Variants in ABL1 observed in about 807,000 individuals in gnomAD.
The protein encoded by ABL1 is ABL proto-oncogene 1, non-receptor tyrosine kinase.
In ABL1, 11 loss-of-function variants were observed where a neutral mutation model predicts 94.7. That is an observed-to-expected ratio of 0.12 (90% CI 0.07 to 0.19). ABL1 has a LOEUF of 0.19. ABL1 is among the 10% of genes least tolerant of loss of function. The probability of loss-of-function intolerance (pLI) is 1.00; values close to 1 mark genes in which losing one functional copy is unlikely to be tolerated. For missense variants in ABL1, 1,082 were observed against 1,489.4 expected, an observed-to-expected ratio of 0.73 and a Z score of 4.50; for synonymous variants, 656 against 622.4, an observed-to-expected ratio of 1.05 and a Z score of -0.80.
At chr9:130,738,882 TTA>T (rs1262891276) in intron 1 of ABL1, among the ~76,000 whole-genome samples, 1 of 152,122 alleles carries the variant, frequency 6.6e-6, no homozygotes, top group East Asian at 1.9e-4. Flanking sequence ...CTTCTGTGTG[TTA>T]TGTGTCTTTT....
At chr9:130,871,796 T>C (rs1006613669) in intron 4 of ABL1, among the ~76,000 whole-genome samples, 2 of 152,248 alleles carry the variant, frequency 1.3e-5, no homozygotes, top group Admixed American at 6.5e-5. Flanking sequence ...TTTGCCCGTA[T>C]AGCTCTCCCA....
chr9:130,857,258 A>C (rs1335900329), intron 3 of ABL1, among the ~76,000 whole-genome samples: 2 of 152,138 alleles, frequency 1.3e-5, no homozygotes, highest in Non-Finnish European at 2.9e-5. Context: ...TCACCAGGTC[A>C]CCCTCTATAG....
At chr9:130,800,475 A>G (rs554106886) in intron 1 of ABL1, among the ~76,000 whole-genome samples, 3 of 151,838 alleles carry the variant, frequency 2.0e-5, no homozygotes, top group African/African-American at 7.2e-5. Flanking sequence ...AAAAAAAAGA[A>G]CCCAAAACCA....
In ABL1 at chr9:130,854,895, C is replaced by T. The variant is rs2132957976; in HGVS notation, c.348C>T (p.Ile116=). Residue 116 remains isoleucine, a synonymous_variant, in exon 3 of 11, where the codon ATC becomes ATT. Transcript: ENST00000318560. ...NGQGWVPSNY[I]TPVNSLEKHS... is the part of the protein sequence containing the mutation. Reference sequence around the variant, plus strand: ...AAGGCTGGGTCCCAAGCAACTACATCACGCCAGTCAACAGTCTGGAGAAAC... The same window carrying T: ...AAGGCTGGGTCCCAAGCAACTACATTACGCCAGTCAACAGTCTGGAGAAAC... The T allele has an allele frequency of 6.2e-7, 1 of 1,614,224 alleles. No homozygotes were observed. The highest frequency in any genetic ancestry group is 8.5e-7 in the Non-Finnish European group (1 of 1,180,038).
chr9:130,881,449 C>A (rs34498582), intron 10 of ABL1, among the ~76,000 whole-genome samples: 2,295 of 152,252 alleles, frequency 0.015, 39 homozygotes, highest in Middle Eastern at 0.065. Context: ...ACAATCATGG[C>A]TGAAGGTGAA....
intron 1 of ABL1, among the ~76,000 whole-genome samples, chr9:130,722,285 C>T (rs981300899): frequency 2.0e-5 from 3 of 152,006 alleles, no homozygotes; most frequent in African/African-American, 7.2e-5. Flanking sequence ...CCCAGCTACT[C>T]AGGAGGCTGA....
intron 1 of ABL1, among the ~76,000 whole-genome samples, chr9:130,789,167 T>C (rs1374084889): frequency 6.6e-6 from 1 of 152,176 alleles, no homozygotes; most frequent in African/African-American, 2.4e-5. Context: ...CCGTTTCTCA[T>C]AAAGCTAATA....
chr9:130,803,958 G>A (rs1055365749), intron 1 of ABL1, among the ~76,000 whole-genome samples: 2 of 152,066 alleles, frequency 1.3e-5, no homozygotes, highest in African/African-American at 4.8e-5. Context: ...CTACCCAGGA[G>A]ACTGAGGCAG....
At chr9:130,866,666 G>A (rs1387503166) in intron 4 of ABL1, among the ~76,000 whole-genome samples, 1 of 152,152 alleles carries the variant, frequency 6.6e-6, no homozygotes, top group Non-Finnish European at 1.5e-5. Flanking sequence ...AAGAGAACAG[G>A]AAAAAAGCAG....
At chr9:130,724,722 G>C in intron 1 of ABL1, 1 of 412,530 alleles carries the variant, frequency 2.4e-6, no homozygotes. Context: ...ACTCCAGCCT[G>C]GGCGACAGAG....
intron 1 of ABL1, among the ~76,000 whole-genome samples, chr9:130,815,383 G>C (rs887880537): frequency 6.6e-6 from 1 of 152,110 alleles, no homozygotes; most frequent in Non-Finnish European, 1.5e-5. Flanking sequence ...CCCCAGATCT[G>C]ATATAGTCAC....
At chr9:130,883,948 G>C (rs1329239558) in intron 10 of ABL1, 21 bp from the exon 11 acceptor site, 7 of 1,593,874 alleles carry the variant, frequency 4.4e-6, no homozygotes, top group African/African-American at 1.4e-5. Context: ...GGAGTTGTCA[G>C]CTCTTCCCCT....
At chr9:130,773,920 T>A (rs1347059354) in intron 1 of ABL1, among the ~76,000 whole-genome samples, 1 of 152,140 alleles carries the variant, frequency 6.6e-6, no homozygotes, top group Non-Finnish European at 1.5e-5. Flanking sequence ...TCCTCAGAAG[T>A]TTCCTTATGA....
Position 130,846,281 on chromosome 9 carries a change from A to G in ABL1, c.80-7783A>G, listed in dbSNP as rs181281630. On this transcript the variant is annotated intron_variant, in intron 1 of 10. Transcript: ENST00000318560. The stretch of plus-strand genomic sequence containing the variant: ...GAAAAGTTGTTTGAGACTGTTATAA[A>G]ATAACTTGAGAATAGTCTGAGCATG... Among the ~76,000 whole-genome samples, 3 of 152,316 alleles carry G rather than the reference A, an allele frequency of 2.0e-5. No homozygotes were observed. The East Asian group carries it at 5.8e-4, about 29-fold the overall frequency.
chr9:130,722,712 A>G (rs1831532031), intron 1 of ABL1, among the ~76,000 whole-genome samples: 1 of 152,190 alleles, frequency 6.6e-6, no homozygotes, highest in South Asian at 2.1e-4. Flanking sequence ...TACATTTTGT[A>G]TGGCCTTCTT....
rs1254195561 is a variant in ABL1, at chr9:130,884,658, A to G, written c.2368A>G (p.Asn790Asp). 1.2e-6 allele frequency: 2 copies of G among 1,613,172 alleles called. No individual in the cohort carries two copies. The highest frequency in any genetic ancestry group is 1.7e-5 in the Admixed American group (1 of 60,012). ...VTPPPRLVKK[N>D]EEAADEVFKD... Reference sequence around the variant, plus strand: ...GCCTCCCCCCAGGCTGGTGAAAAAGAATGAGGAAGCTGCTGATGAGGTCTT... The same window carrying G: ...GCCTCCCCCCAGGCTGGTGAAAAAGGATGAGGAAGCTGCTGATGAGGTCTT... Residue 790 changes from asparagine to aspartate, a missense_variant, in exon 11 of 11, where the codon AAT becomes GAT. Physicochemically the swap from Asn to Asp is conservative, Grantham distance 23. Transcript: ENST00000318560. The surrounding 1 kb of genome is among the most constrained non-coding windows in gnomAD (Gnocchi z 5.6).
rs142554994 is a variant in ABL1 at position 130,795,991 on chromosome 9, G to A, written c.137-58073G>A. Among the ~76,000 whole-genome samples, 269 of 149,990 alleles carry A rather than the reference G, an allele frequency of 1.8e-3. 2 individuals carry two copies. The highest frequency in any genetic ancestry group is 6.3e-3 in the African/African-American group (257 of 40,730). On this transcript the variant is annotated intron_variant, in intron 1 of 10. Transcript: ENST00000372348. ...CGGATCACCTGAGGTCGGAGTTCGA[G>A]GCTAAAACCCTGTCTCTACCAAAAA...
intron 1 of ABL1, among the ~76,000 whole-genome samples, chr9:130,818,964 T>A (rs1830324161): frequency 6.6e-6 from 1 of 152,198 alleles, no homozygotes; most frequent in South Asian, 2.1e-4. Flanking sequence ...CGTATGTTTA[T>A]TATTGAGTTT....
chr9:130,879,245 G>A (rs1831410240), intron 8 of ABL1, among the ~76,000 whole-genome samples: 1 of 152,166 alleles, frequency 6.6e-6, no homozygotes, highest in South Asian at 2.1e-4. Flanking sequence ...GCACACACAG[G>A]ATGTTTTCAT....
Sources: gnomAD v4.1 joint callset for allele counts (sites outside exome capture counted in the v4.1 genomes callset) on GRCh38, gnomAD v4.1.1 for gene constraint, Gnocchi (gnomAD v3.1) non-coding constraint, MANE v1.5 for transcripts, NCBI Gene and HGNC (gene_info 2026-07-23, HGNC 2026-07-21) for gene names.